SPATA7: variants seen among roughly 807,000 people sequenced by gnomAD.
The protein encoded by SPATA7 is spermatogenesis associated 7, also known as spermatogenesis-associated protein 7.
Under a neutral mutation model 51.8 loss-of-function variants are expected in SPATA7, and 43 were observed. The ratio of observed to expected loss-of-function variants is 0.83; its 90% CI spans 0.65 to 1.07. SPATA7 has a LOEUF of 1.07. Among genes scored for constraint, SPATA7 ranks in the 50% least tolerant of loss-of-function variants. The probability of loss-of-function intolerance (pLI) is 0.00; values close to 1 mark genes in which losing one functional copy is unlikely to be tolerated. For missense variants in SPATA7, 683 were observed against 701.3 expected (o/e 0.97, Z 0.30); for synonymous variants, 230 against 252.8 (o/e 0.91, Z 0.86).
At chr14:88,432,330 A>G (rs533320065) in intron 9 of SPATA7, among the ~76,000 whole-genome samples, 1 of 152,274 alleles carries the variant, frequency 6.6e-6, no homozygotes, top group African/African-American at 2.4e-5. Flanking sequence ...CTTTTTATTA[A>G]ACATTTAAAT....
At chr14:88,451,776 C>T (rs185324219) in intron 3 of SPATA7, among the ~76,000 whole-genome samples, 47 of 152,290 alleles carry the variant, frequency 3.1e-4, no homozygotes, top group African/African-American at 4.8e-4. Context: ...CCACCTGCTT[C>T]GGCCTCCCAA....
intron 3 of SPATA7, among the ~76,000 whole-genome samples, chr14:88,447,060 A>G (rs113300245): frequency 1.3e-5 from 2 of 151,816 alleles, no homozygotes; most frequent in Non-Finnish European, 2.9e-5. Context: ...TGTCTCGTTG[A>G]TGTGTCTAAT....
intron 8 of SPATA7, among the ~76,000 whole-genome samples, chr14:88,430,870 A>G (rs2076920124): frequency 6.6e-6 from 1 of 152,130 alleles, no homozygotes; most frequent in Non-Finnish European, 1.5e-5. Flanking sequence ...AAATTGCTGA[A>G]ACATGTAATT....
At position 88,431,152 on chromosome 14, in the gene SPATA7, C is replaced by CT. The variant is rs1385252849; in HGVS notation, c.1029-17dup. 1.2e-6 allele frequency: 2 copies of CT among 1,612,818 alleles called. No individual in the cohort carries two copies. Among genetic ancestry groups the CT allele is most frequent in the South Asian group, 1.1e-5 (1 of 91,052 alleles). On this transcript the variant is annotated intron_variant, in intron 8 of 11. Coordinates refer to ENST00000393545, the MANE Select transcript of SPATA7 (RefSeq NM_018418.5). Reference sequence around the variant, plus strand: ...TGCCAACCACTGTTTTGCTCAACTACTTTAACTTCCTCTTTCTAGGGCAAT... The same window carrying CT: ...TGCCAACCACTGTTTTGCTCAACTACTTTTAACTTCCTCTTTCTAGGGCAAT...
intron 4 of SPATA7, among the ~76,000 whole-genome samples, chr14:88,464,838 A>G (rs1305052658): frequency 6.6e-6 from 1 of 152,230 alleles, no homozygotes; most frequent in African/African-American, 2.4e-5. Context: ...TCTCCAGTTT[A>G]TATTACTGTA....
rs1339999142 is a variant in SPATA7, at chr14:88,385,750, T to C, written c.-69T>C. On this transcript the variant is annotated 5_prime_UTR_variant, in exon 1 of 12. Transcript: ENST00000393545. The stretch of plus-strand genomic sequence containing the variant: ...TTTTCCAGTCCTCCACTGCCGGGGC[T>C]GGGCCCGGCCGCGGGAAGGACCGAA... 1.3e-6 allele frequency: 2 copies of C among 1,489,924 alleles called. No homozygotes were observed. The highest frequency in any genetic ancestry group is 1.8e-6 in the Non-Finnish European group (2 of 1,082,116). 92.3% of individuals were successfully genotyped at this position (1,489,924 alleles called of 1,614,324 possible).
At chr14:88,424,068 A>C (rs941245915) in intron 5 of SPATA7, among the ~76,000 whole-genome samples, 2 of 152,238 alleles carry the variant, frequency 1.3e-5, no homozygotes, top group African/African-American at 4.8e-5. Context: ...TCGTAAACTA[A>C]GAATAACCTA....
intron 9 of SPATA7, among the ~76,000 whole-genome samples, chr14:88,431,429 C>T (rs942966743): frequency 1.3e-5 from 2 of 152,112 alleles, no homozygotes; most frequent in African/African-American, 4.8e-5. Flanking sequence ...GCATATCCAT[C>T]ATCTCGAACA....
intron 9 of SPATA7, 90 bp downstream of exon 9, chr14:88,431,315 T>C: frequency 7.8e-7 from 1 of 1,281,144 alleles, no homozygotes; most frequent in Non-Finnish European, 1.1e-6. Flanking sequence ...GATTGAACAA[T>C]AATCTCTTTT....
At chr14:88,400,405 G>C (rs1174455113) in intron 4 of SPATA7, among the ~76,000 whole-genome samples, 2 of 152,060 alleles carry the variant, frequency 1.3e-5, no homozygotes, top group Non-Finnish European at 2.9e-5. Context: ...TATACCTCAA[G>C]GAACTAGAAA....
At chr14:88,434,522 T>C (rs2077025839) in intron 10 of SPATA7, among the ~76,000 whole-genome samples, 1 of 151,854 alleles carries the variant, frequency 6.6e-6, no homozygotes, top group African/African-American at 2.4e-5. Context: ...TCATCTCTAC[T>C]AAAAATACAA....
chr14:88,421,070 C>T (rs1031072469), intron 5 of SPATA7, among the ~76,000 whole-genome samples: 4 of 151,888 alleles, frequency 2.6e-5, no homozygotes, highest in East Asian at 1.9e-4. Flanking sequence ...GCTGAGTTAA[C>T]GCCACTGCAC....
At chr14:88,467,404 T>C (rs1249774066) in intron 4 of SPATA7, 1 of 152,246 alleles carries the variant, frequency 6.6e-6, no homozygotes, top group South Asian at 2.1e-4. Flanking sequence ...TTTTAAATAA[T>C]GTGCCTTCAT....
At chr14:88,448,119 C>T (rs970676014) in intron 3 of SPATA7, among the ~76,000 whole-genome samples, 45 of 152,278 alleles carry the variant, frequency 3.0e-4, no homozygotes, top group African/African-American at 1.1e-3. Flanking sequence ...CTTTCAGGTA[C>T]ACCAATCAGA....
At chr14:88,429,773 A>G (rs2076891537) in intron 8 of SPATA7, among the ~76,000 whole-genome samples, 1 of 152,164 alleles carries the variant, frequency 6.6e-6, no homozygotes, top group Admixed American at 6.6e-5. Context: ...AGTGATGCTA[A>G]CCAGTTTACA....
At chr14:88,404,397 T>C (rs898066067) in intron 4 of SPATA7, among the ~76,000 whole-genome samples, 1 of 151,706 alleles carries the variant, frequency 6.6e-6, no homozygotes, top group African/African-American at 2.4e-5. Flanking sequence ...TAGAAAAGAG[T>C]AGTAGAGTAG....
At chr14:88,466,044 A>G (rs2077357336) in intron 4 of SPATA7, 1 of 152,062 alleles carries the variant, frequency 6.6e-6, no homozygotes, top group South Asian at 2.1e-4. Flanking sequence ...CCTGACAGAA[A>G]AGCATTTTCA....
rs2075550262 is a variant in SPATA7, at chr14:88,385,742, G to T, written c.-77G>T. 1.4e-6 allele frequency: 2 copies of T among 1,437,044 alleles called. No homozygotes were observed. The allele number at this position is 1,437,044 out of a possible 1,614,324, so 89.0% of individuals were successfully genotyped here. ...GGCTCCTCTTTTCCAGTCCTCCACT[G>T]CCGGGGCTGGGCCCGGCCGCGGGAA... On this transcript the variant is annotated 5_prime_UTR_variant, in exon 1 of 12. Coordinates refer to ENST00000393545, the MANE Select transcript of SPATA7 (RefSeq NM_018418.5).
Position 88,438,040 on chromosome 14 carries a change from T to A in SPATA7, c.1418T>A (p.Met473Lys), listed in dbSNP as rs770563262. 6.2e-7 allele frequency: 1 copy of A among 1,614,124 alleles called. No individual in the cohort carries two copies. The highest frequency in any genetic ancestry group is 8.5e-7 in the Non-Finnish European group (1 of 1,180,014). The change falls in exon 12 of 12, where the codon ATG becomes AAG. Residue 473 changes from methionine (M) to lysine (K), a missense_variant. Met to Lys is a moderately conservative substitution (Grantham distance 95, BLOSUM62 -1). Transcript: ENST00000393545. ...CAACAATACCAAAAGGCTTTGGATA[T>A]GTTATTGTCGGCACCAAAGGATGAG... is the stretch of plus-strand genomic sequence containing the variant. The part of the protein sequence containing the change: ...ERQQYQKALD[M>K]LLSAPKDENE...
Sources: allele counts gnomAD v4.1 joint callset (sites outside exome capture counted in the v4.1 genomes callset), GRCh38; gene constraint gnomAD v4.1.1; transcripts MANE v1.5; gene names NCBI Gene and HGNC (gene_info 2026-07-23, HGNC 2026-07-21).